PPIL3: variants seen among roughly 807,000 people sequenced by gnomAD.
The protein encoded by PPIL3 is peptidylprolyl isomerase like 3, also known as peptidyl-prolyl cis-trans isomerase-like 3.
A neutral mutation model predicts 20.9 loss-of-function variants in PPIL3; 13 were observed. That is an observed-to-expected ratio of 0.62 (90% confidence interval 0.40 to 0.99). The LOEUF (loss-of-function observed/expected upper bound fraction) is 0.99, where lower values mean the gene tolerates loss of function less well. Among genes scored for constraint, PPIL3 ranks in the 50% least tolerant of loss-of-function variants. The pLI is 0.00. For missense variants in PPIL3, 170 were observed against 195.2 expected (o/e 0.87, Z 0.77); for synonymous variants, 71 against 64.4 (o/e 1.10, Z -0.49).
chr2:200,882,169 C>T (rs989337914), intron 4 of PPIL3, among the ~76,000 whole-genome samples, 173 bp downstream of exon 4: 4 of 152,166 alleles, frequency 2.6e-5, no homozygotes, highest in Non-Finnish European at 4.4e-5. Context: ...AGCAAACCAC[C>T]ATGGCACACA....
At chr2:200,886,368 G>A (rs2039937613) in intron 2 of PPIL3, among the ~76,000 whole-genome samples, 1 of 150,722 alleles carries the variant, frequency 6.6e-6, no homozygotes, top group Non-Finnish European at 1.5e-5. Flanking sequence ...TATACCCCTT[G>A]ATATGATACT....
intron 3 of PPIL3, among the ~76,000 whole-genome samples, chr2:200,884,719 G>A (rs1412694295): frequency 2.6e-5 from 4 of 151,414 alleles, no homozygotes; most frequent in Non-Finnish European, 2.9e-5. Flanking sequence ...CAGTCTGAGC[G>A]ACAGAGCAAG....
intron 6 of PPIL3, among the ~76,000 whole-genome samples, chr2:200,874,085 G>T (rs966500229): frequency 6.6e-6 from 1 of 151,292 alleles, no homozygotes; most frequent in Non-Finnish European, 1.5e-5. Flanking sequence ...GGCGCCTGTA[G>T]TCCCAGCTAC....
At chr2:200,887,835 T>A (rs1488266114) in intron 1 of PPIL3, 150 bp from the exon 2 acceptor site, 2 of 367,360 alleles carry the variant, frequency 5.4e-6, no homozygotes, top group African/African-American at 2.1e-5. Flanking sequence ...GGCGGGTGGA[T>A]CACTTGAGGT....
At chr2:200,875,935 C>T (rs1168097733) in intron 6 of PPIL3, among the ~76,000 whole-genome samples, 1 of 151,980 alleles carries the variant, frequency 6.6e-6, no homozygotes, top group Non-Finnish European at 1.5e-5. Flanking sequence ...CCCTGATACA[C>T]AGAAGTTTTG....
chr2:200,887,576 A>T, intron 2 of PPIL3, 37 bp downstream of exon 2: 1 of 1,513,808 alleles, frequency 6.6e-7, no homozygotes, highest in Non-Finnish European at 9.1e-7. Context: ...AATTACTTAT[A>T]ATGAAAGACA....
At chr2:200,880,782 G>A (rs1050331453) in intron 5 of PPIL3, among the ~76,000 whole-genome samples, 3 of 151,268 alleles carry the variant, frequency 2.0e-5, no homozygotes, top group Admixed American at 1.3e-4. Flanking sequence ...TTATCTCTGG[G>A]AAGTGGGATT....
chr2:200,886,628 G>A (rs2039946681), intron 2 of PPIL3, among the ~76,000 whole-genome samples: 2 of 152,112 alleles, frequency 1.3e-5, no homozygotes, highest in African/African-American at 4.8e-5. Context: ...GTTTCACCAT[G>A]TTGGCCAGGC....
chr2:200,887,023 A>C (rs1375549303), intron 2 of PPIL3: 2 of 152,272 alleles, frequency 1.3e-5, no homozygotes, highest in African/African-American at 4.8e-5. Flanking sequence ...AGACCTGTCT[A>C]TTCTCTTCTG....
At chr2:200,877,901 C>T (rs1010443829) in intron 5 of PPIL3, among the ~76,000 whole-genome samples, 2 of 152,248 alleles carry the variant, frequency 1.3e-5, no homozygotes, top group Non-Finnish European at 2.9e-5. Context: ...TATTTGTTTA[C>T]AAGAGACAGT....
chr2:200,880,588 G>A (rs1350946941), intron 5 of PPIL3, among the ~76,000 whole-genome samples: 1 of 151,824 alleles, frequency 6.6e-6, no homozygotes, highest in Non-Finnish European at 1.5e-5. Context: ...GTCTCACTAT[G>A]TTGCCCAGGC....
Position 200,871,486 on chromosome 2 carries a change from T to A in PPIL3, c.395A>T (p.Glu132Val). 6.2e-7 allele frequency: 1 copy of A among 1,612,646 alleles called. No homozygotes were observed. The highest frequency in any genetic ancestry group is 8.5e-7 in the Non-Finnish European group (1 of 1,178,794). The change falls in exon 7 of 7, where the codon GAG becomes GTG. Residue 132 changes from glutamate (E) to valine (V), a missense_variant. Physicochemically the swap from Glu to Val is moderately radical, Grantham distance 121. Coordinates refer to ENST00000392283, the MANE Select transcript of PPIL3 (RefSeq NM_130906.3). ...TGTCTTCTCATTTACTGGCAACTTC[T>A]CCAACTCATCTAGAGTTTCCAGACC... The part of the protein sequence containing the change: ...IDGLETLDEL[E>V]KLPVNEKTYR...
intron 2 of PPIL3, chr2:200,886,968 T>C (rs377034664): frequency 6.6e-6 from 1 of 152,324 alleles, no homozygotes; most frequent in East Asian, 1.9e-4. Flanking sequence ...CCCAGCCTAG[T>C]TGCCCACTTT....
At position 200,877,025 on chromosome 2, in the gene PPIL3, C is replaced by T; in HGVS notation, c.253G>A (p.Gly85Ser). 3 of 1,604,962 alleles carry T rather than the reference C, an allele frequency of 1.9e-6. No individual in the cohort carries two copies. Among genetic ancestry groups the T allele is most frequent in the Non-Finnish European group, 1.7e-6 (2 of 1,171,714 alleles). ...YSEYLKHNVR[G>S]VVSMANNGPN... ...CCATTATTAGCCATAGATACAACAC[C>T]TCTAACATTGTGCTGAAAAAGACAC... Residue 85 changes from glycine to serine, a missense_variant, in exon 6 of 7, where the codon GGT becomes AGT. Transcript: ENST00000392283.
intron 6 of PPIL3, among the ~76,000 whole-genome samples, chr2:200,872,902 C>T (rs1229536778): frequency 6.7e-6 from 1 of 149,194 alleles, no homozygotes; most frequent in Admixed American, 6.7e-5. Context: ...GATGAAGTCT[C>T]GCTCTGGTCC....
rs942415163 is a variant in PPIL3 at position 200,885,489 on chromosome 2, G to A, written c.78+209C>T. The A allele has an allele frequency of 5.9e-6, 3 of 508,220 alleles. 1 individual carries two copies. 31.5% of individuals were successfully genotyped at this position (508,220 alleles called of 1,614,324 possible). ...AGAAAAAGATACTGGCTACTCTATC[G>A]TTACCGAAAAATTATCTACGTTCTC... On this transcript the variant is annotated intron_variant, in intron 3 of 6. Coordinates refer to ENST00000392283, the MANE Select transcript of PPIL3 (RefSeq NM_130906.3).
Position 200,876,931 on chromosome 2 carries a change from G to A in PPIL3, c.347C>T (p.Thr116Ile). The part of the protein sequence containing the change: ...GKQPHLDMKY[T>I]VFGKVIDGLE... ...CCAGAATACTCACTTTCCAAATACG[G>A]TGTATTTCATGTCCAAATGTGGCTG... is the stretch of plus-strand genomic sequence containing the variant. Residue 116 changes from threonine (T) to isoleucine (I), a missense_variant, in exon 6 of 7, where the codon ACC (threonine) becomes ATC (isoleucine). Physicochemically the swap from Thr to Ile is moderately conservative, Grantham distance 89 (BLOSUM62 -1). Coordinates refer to ENST00000392283, the MANE Select transcript of PPIL3 (RefSeq NM_130906.3). 2 of 1,601,460 alleles carry A rather than the reference G, an allele frequency of 1.2e-6. No homozygotes were observed. The highest frequency in any genetic ancestry group is 1.7e-6 in the Non-Finnish European group (2 of 1,168,636).
intron 1 of PPIL3, among the ~76,000 whole-genome samples, chr2:200,888,054 C>CAA (rs59288201): frequency 0.053 from 5,489 of 102,988 alleles, 162 homozygotes; most frequent in Middle Eastern, 0.11. Flanking sequence ...GAGACTCCGT[C>CAA]AAAAAAAAAA....
intron 6 of PPIL3, among the ~76,000 whole-genome samples, chr2:200,872,780 C>T (rs1448089557): frequency 1.3e-5 from 2 of 152,086 alleles, no homozygotes; most frequent in Admixed American, 1.3e-4. Flanking sequence ...TTCTTTGCTA[C>T]AGGAAATACA....
Sources: gnomAD v4.1 joint callset for allele counts (sites outside exome capture counted in the v4.1 genomes callset) on GRCh38, gnomAD v4.1.1 for gene constraint, MANE v1.5 for transcripts, NCBI Gene and HGNC (gene_info 2026-07-23, HGNC 2026-07-21) for gene names.